Variants in RAB22A observed in about 807,000 individuals in gnomAD.
The protein encoded by RAB22A is RAB22A, member RAS oncogene family, also known as ras-related protein Rab-22A.
RAB22A carries 13 observed loss-of-function variants against 30.2 expected under a neutral mutation model. The ratio of observed to expected loss-of-function variants is 0.43; its 90% CI spans 0.28 to 0.68. The LOEUF (loss-of-function observed/expected upper bound fraction) is 0.68. Among genes scored for constraint, RAB22A ranks in the 30% least tolerant of loss-of-function variants. The pLI, the probability that RAB22A is intolerant of heterozygous loss-of-function variation, is 0.18. For missense variants in RAB22A, 177 were observed against 246.8 expected (o/e 0.72, Z 1.89); for synonymous variants, 89 against 87.2 (o/e 1.02, Z -0.11).
Position 58,353,486 on chromosome 20 carries a change from C to T in RAB22A, c.325C>T (p.Pro109Ser). 6.2e-7 allele frequency: 1 copy of T among 1,613,340 alleles called. No individual in the cohort carries two copies. Among genetic ancestry groups the T allele is most frequent in the Non-Finnish European group, 8.5e-7 (1 of 1,179,358 alleles). ...WVKELRQHGP[P>S]NIVVAIAGNK... ...GAAAGAGCTTCGACAGCATGGCCCA[C>T]CTAATATTGTAGTTGCCATTGCAGG... Residue 109 changes from proline (P) to serine (S), a missense_variant, in exon 5 of 7, where the codon CCT (proline) becomes TCT (serine). Coordinates refer to ENST00000244040, the MANE Select transcript of RAB22A (RefSeq NM_020673.3).
chr20:58,329,191 T>C (rs1276075943), intron 2 of RAB22A, among the ~76,000 whole-genome samples: 1 of 152,020 alleles, frequency 6.6e-6, no homozygotes, highest in Non-Finnish European at 1.5e-5. Context: ...GTAGCTGGGA[T>C]TACAGGCGCC....
At chr20:58,310,162 T>A in intron 1 of RAB22A, 150 bp downstream of exon 1, 1 of 782,504 alleles carries the variant, frequency 1.3e-6, no homozygotes, top group Non-Finnish European at 1.7e-6. Flanking sequence ...TCGGGAGCCG[T>A]CCCGCCCACC....
chr20:58,314,069 G>A (rs1017170521), intron 2 of RAB22A, among the ~76,000 whole-genome samples: 2 of 141,430 alleles, frequency 1.4e-5, no homozygotes, highest in Non-Finnish European at 3.0e-5. Context: ...TTTTTTTTGA[G>A]ACTGAGTCTC....
chr20:58,309,976 C>T lies in RAB22A; in HGVS notation c.-1C>T. 7.9e-7 allele frequency: 1 copy of T among 1,268,580 alleles called. No homozygotes were observed. Among genetic ancestry groups the T allele is most frequent in the Non-Finnish European group, 1.0e-6 (1 of 999,172 alleles). The allele number at this position is 1,268,580 out of a possible 1,614,324, so 78.6% of individuals were successfully genotyped here. A position where few individuals can be genotyped will look rare whatever the true frequency, so the allele number is the denominator to read the frequency against. Reference sequence around the variant, plus strand: ...GGGCCCGCGCCCCTGGCTCCCGGGCCATGGCGCTGAGGGAGCTCAAAGTGT... The same window carrying T: ...GGGCCCGCGCCCCTGGCTCCCGGGCTATGGCGCTGAGGGAGCTCAAAGTGT... On this transcript the variant is annotated 5_prime_UTR_variant, in exon 1 of 7. Transcript: ENST00000244040.
At position 58,353,357 on chromosome 20, in the gene RAB22A, A is replaced by G. The variant is rs557361584; in HGVS notation, c.270+13A>G. The stretch of plus-strand genomic sequence containing the variant: ...TATCACAAAAGAAGTAAGACTATAT[A>G]GTTTTCTTTAGATTGTTTTGAAAAC... On this transcript the variant is annotated intron_variant, in intron 4 of 6. Transcript: ENST00000244040. The G allele has an allele frequency of 6.2e-7, 1 of 1,612,024 alleles. No homozygotes were observed. The highest frequency in any genetic ancestry group is 1.3e-5 in the African/African-American group (1 of 74,896).
intron 2 of RAB22A, among the ~76,000 whole-genome samples, chr20:58,316,417 C>G (rs1438490243): frequency 6.6e-6 from 1 of 152,208 alleles, no homozygotes; most frequent in Non-Finnish European, 1.5e-5. Flanking sequence ...TGTCATGTAA[C>G]TCCAGTTGCA....
At chr20:58,321,992 G>A (rs6070424) in intron 2 of RAB22A, among the ~76,000 whole-genome samples, 24,108 of 152,084 alleles carry the variant, frequency 0.16, 2,422 homozygotes, top group East Asian at 0.29. Flanking sequence ...TAGAGCTGGG[G>A]TCACTTTGCT....
chr20:58,343,075 C>T (rs1203689737), intron 2 of RAB22A, among the ~76,000 whole-genome samples: 3 of 152,192 alleles, frequency 2.0e-5, no homozygotes, highest in East Asian at 1.9e-4. Context: ...TTCTCCCATC[C>T]GGGGCTCGAT....
chr20:58,336,030 G>A (rs1986745000), intron 2 of RAB22A, among the ~76,000 whole-genome samples: 1 of 152,042 alleles, frequency 6.6e-6, no homozygotes, highest in Non-Finnish European at 1.5e-5. Flanking sequence ...TTGTTTTTGA[G>A]ACAGTCTCTC....
intron 2 of RAB22A, among the ~76,000 whole-genome samples, chr20:58,336,535 A>G (rs1196097517): frequency 6.6e-6 from 1 of 152,148 alleles, no homozygotes; most frequent in Non-Finnish European, 1.5e-5. Context: ...TCTTGGGAAA[A>G]ATAAAACTAG....
At chr20:58,349,960 C>G (rs1245749879) in intron 3 of RAB22A, among the ~76,000 whole-genome samples, 1 of 152,134 alleles carries the variant, frequency 6.6e-6, no homozygotes, top group Non-Finnish European at 1.5e-5. Flanking sequence ...TACATATGTT[C>G]AGAGATTTAA....
intron 3 of RAB22A, among the ~76,000 whole-genome samples, chr20:58,349,566 C>T (rs1054629266): frequency 1.3e-5 from 2 of 152,222 alleles, no homozygotes; most frequent in African/African-American, 4.8e-5. Context: ...GCAGAGATTT[C>T]AGCTGCTCCT....
intron 3 of RAB22A, among the ~76,000 whole-genome samples, chr20:58,347,919 T>C (rs1468290451): frequency 6.6e-6 from 1 of 152,170 alleles, no homozygotes; most frequent in Non-Finnish European, 1.5e-5. Flanking sequence ...GCCATCTGTG[T>C]GTGATTGTAT....
chr20:58,354,037 A>G, intron 5 of RAB22A, 119 bp from the exon 6 acceptor site: 1 of 638,820 alleles, frequency 1.6e-6, no homozygotes. Flanking sequence ...CTCAGGGCCC[A>G]TCCAGCAGCC....
At chr20:58,332,373 G>A (rs1986676635) in intron 2 of RAB22A, among the ~76,000 whole-genome samples, 1 of 152,172 alleles carries the variant, frequency 6.6e-6, no homozygotes, top group African/African-American at 2.4e-5. Flanking sequence ...TGAGCTCAGA[G>A]CAAACTCTTC....
chr20:58,322,827 G>A (rs1986486355), intron 2 of RAB22A, among the ~76,000 whole-genome samples: 1 of 104,548 alleles, frequency 9.6e-6, no homozygotes, highest in South Asian at 4.0e-4. Context: ...GAGACCATTA[G>A]TCTTTTTTTC....
At chr20:58,354,293 C>G in intron 6 of RAB22A, 28 bp downstream of exon 6, 1 of 1,516,728 alleles carries the variant, frequency 6.6e-7, no homozygotes, top group Non-Finnish European at 9.1e-7. Flanking sequence ...TTATCCATTT[C>G]CTCTGTAAAA....
intron 2 of RAB22A, among the ~76,000 whole-genome samples, chr20:58,323,435 T>C (rs1282028119): frequency 1.3e-5 from 2 of 152,092 alleles, no homozygotes; most frequent in Non-Finnish European, 2.9e-5. Flanking sequence ...TTTTAATCTT[T>C]ATTCTAATTC....
At chr20:58,328,590 A>G (rs1274991723) in intron 2 of RAB22A, among the ~76,000 whole-genome samples, 1 of 152,188 alleles carries the variant, frequency 6.6e-6, no homozygotes, top group Non-Finnish European at 1.5e-5. Flanking sequence ...TCATTTAAAG[A>G]CAACTGGCTA....
Sources: allele counts gnomAD v4.1 joint callset (sites outside exome capture counted in the v4.1 genomes callset), GRCh38; gene constraint gnomAD v4.1.1; transcripts MANE v1.5; gene names NCBI Gene and HGNC (gene_info 2026-07-23, HGNC 2026-07-21).